The following KIAA1217 variants were observed in gnomAD, a reference collection of about 807,000 sequenced individuals.
KIAA1217 encodes KIAA1217.
Under a neutral mutation model 163.9 loss-of-function variants are expected in KIAA1217, and 88 were observed. That is an observed-to-expected ratio of 0.54 (90% CI 0.45 to 0.64). The LOEUF is 0.64. KIAA1217 is among the 30% of genes least tolerant of loss of function. KIAA1217 has a pLI of 0.00. For synonymous variants in KIAA1217, 903 were observed against 923.1 expected (o/e 0.98, Z 0.39); for missense variants, 2,372 against 2,475.0 (o/e 0.96, Z 0.88).
intron 1 of KIAA1217, among the ~76,000 whole-genome samples, chr10:23,765,465 G>A (rs910759653): frequency 3.3e-5 from 5 of 151,994 alleles, no homozygotes; most frequent in African/African-American, 1.2e-4. Context: ...GAGCCACCAC[G>A]CCCGGTCTTT....
chr10:24,071,683 G>T (rs2061191800), intron 2 of KIAA1217, among the ~76,000 whole-genome samples: 1 of 152,128 alleles, frequency 6.6e-6, no homozygotes, highest in Non-Finnish European at 1.5e-5. Flanking sequence ...GATTATATTT[G>T]CACTGTGTTG....
intron 2 of KIAA1217, among the ~76,000 whole-genome samples, chr10:24,186,068 A>C (rs532619369): frequency 3.9e-5 from 6 of 152,120 alleles, no homozygotes; most frequent in African/African-American, 1.4e-4. Context: ...ACATGTTAGC[A>C]ATATTATTTT....
At position 24,342,466 on chromosome 10, in the gene KIAA1217, C is replaced by T. The variant is rs908846923; in HGVS notation, c.355-38403C>T. Among the ~76,000 whole-genome samples the T allele has an allele frequency of 3.9e-5, 6 of 152,174 alleles. No individual in the cohort carries two copies. In the East Asian group the frequency reaches 7.7e-4, roughly 20 times the overall value. On this transcript the variant is annotated intron_variant, in intron 2 of 20. Coordinates refer to ENST00000376454, the MANE Select transcript of KIAA1217 (RefSeq NM_019590.5). Reference sequence around the variant, plus strand: ...TCTCAATCCTCCTTTCTAAAATTAACCATTGTTATTCATTTTTTGTTAGAT... The same window carrying T: ...TCTCAATCCTCCTTTCTAAAATTAATCATTGTTATTCATTTTTTGTTAGAT...
At chr10:24,171,763 GACA>G (rs1448963142) in intron 2 of KIAA1217, among the ~76,000 whole-genome samples, 2 of 151,408 alleles carry the variant, frequency 1.3e-5, no homozygotes, top group Non-Finnish European at 2.9e-5. Context: ...CTCCAGACTG[GACA>G]ACAAGAGCAA....
In KIAA1217 at chr10:24,494,640, A is replaced by T. The variant is rs767681759; in HGVS notation, c.1784+36A>T. On this transcript the variant is annotated intron_variant, in intron 7 of 20. Coordinates refer to ENST00000376454, the MANE Select transcript of KIAA1217 (RefSeq NM_019590.5). Reference sequence around the variant, plus strand: ...AGAAAGCCAATGAAAAAAATAATTCAATCTGTTTCTCTTTTAATCATTAAG... The same window carrying T: ...AGAAAGCCAATGAAAAAAATAATTCTATCTGTTTCTCTTTTAATCATTAAG... The T allele has an allele frequency of 6.8e-6, 9 of 1,328,190 alleles. No individual in the cohort carries two copies. In the Admixed American group the frequency reaches 1.7e-4, roughly 25 times the overall value. 82.3% of individuals were successfully genotyped at this position (1,328,190 alleles called of 1,614,324 possible).
rs1033988810 is a variant in KIAA1217 at position 23,953,841 on chromosome 10, C to T, written c.-320-53384C>T. ...TATATCAAGTGTTAATGAAGAAACT[C>T]CACGGCTGACCTCTGAATTACTTGG... On this transcript the variant is annotated intron_variant, in intron 1 of 18. Transcript: ENST00000376462. Among the ~76,000 whole-genome samples, 29 of 152,286 alleles carry T rather than the reference C, an allele frequency of 1.9e-4. No homozygotes were observed. The South Asian group carries it at 2.7e-3, about 14-fold the overall frequency.
intron 1 of KIAA1217, among the ~76,000 whole-genome samples, chr10:23,826,064 A>G (rs937976532): frequency 2.0e-5 from 3 of 152,178 alleles, no homozygotes; most frequent in African/African-American, 7.2e-5. Flanking sequence ...CAGCCTCTGC[A>G]TCCAACTTTA....
intron 1 of KIAA1217, among the ~76,000 whole-genome samples, chr10:23,740,696 T>C (rs974924588): frequency 3.9e-5 from 6 of 152,022 alleles, no homozygotes; most frequent in African/African-American, 1.4e-4. Flanking sequence ...TCCACCCAGG[T>C]CTGTCTCAGA....
At chr10:24,353,149 T>C (rs1180197583) in intron 2 of KIAA1217, among the ~76,000 whole-genome samples, 1 of 152,082 alleles carries the variant, frequency 6.6e-6, no homozygotes, top group African/African-American at 2.4e-5. Context: ...GTGGTGCGGT[T>C]TCCTGTTTTG....
intron 1 of KIAA1217, among the ~76,000 whole-genome samples, chr10:23,751,752 A>C (rs570168999): frequency 6.6e-6 from 1 of 152,116 alleles, no homozygotes; most frequent in Non-Finnish European, 1.5e-5. Context: ...GGTTTTCTTT[A>C]CTGTATTTTA....
intron 1 of KIAA1217, among the ~76,000 whole-genome samples, chr10:23,918,614 A>C (rs1842718533): frequency 6.6e-6 from 1 of 152,108 alleles, no homozygotes; most frequent in Non-Finnish European, 1.5e-5. Context: ...TCAGGCTGTT[A>C]CCAGCTCCTG....
chr10:24,228,775 T>G (rs947449804), intron 2 of KIAA1217, among the ~76,000 whole-genome samples: 2 of 152,212 alleles, frequency 1.3e-5, no homozygotes, highest in Admixed American at 6.5e-5. Flanking sequence ...TCTAGTTTGT[T>G]TCATCAGCTC....
At chr10:23,795,690 T>C (rs921303900) in intron 1 of KIAA1217, among the ~76,000 whole-genome samples, 1 of 152,174 alleles carries the variant, frequency 6.6e-6, no homozygotes, top group African/African-American at 2.4e-5. Flanking sequence ...AGGTTTGGCC[T>C]ACAGGCATGA....
intron 2 of KIAA1217, among the ~76,000 whole-genome samples, chr10:24,148,184 C>G (rs1201471193): frequency 2.0e-5 from 3 of 151,998 alleles, no homozygotes; most frequent in African/African-American, 7.2e-5. Context: ...ATTTTGCATT[C>G]TTAACTACTG....
chr10:24,333,176 C>G (rs1408780754), intron 2 of KIAA1217, among the ~76,000 whole-genome samples: 1 of 152,056 alleles, frequency 6.6e-6, no homozygotes, highest in East Asian at 1.9e-4. Context: ...AAACGCCCAC[C>G]ACCACAGCCA....
chr10:24,081,646 C>T (rs1476205341), intron 2 of KIAA1217, among the ~76,000 whole-genome samples: 1 of 151,982 alleles, frequency 6.6e-6, no homozygotes, highest in Non-Finnish European at 1.5e-5. Flanking sequence ...TTCCCTGGGC[C>T]ACATTGGAAA....
intron 1 of KIAA1217, among the ~76,000 whole-genome samples, chr10:23,709,268 A>G (rs966881830): frequency 2.0e-5 from 3 of 152,170 alleles, no homozygotes; most frequent in Non-Finnish European, 4.4e-5. Context: ...TCACACTGGT[A>G]ATCCCAGCAC....
intron 5 of KIAA1217, among the ~76,000 whole-genome samples, chr10:24,450,607 G>A (rs140979411): frequency 0.014 from 2,116 of 152,244 alleles, 30 homozygotes; most frequent in Non-Finnish European, 0.023. Context: ...ATATTTCTGT[G>A]GATATCTTTA....
intron 2 of KIAA1217, among the ~76,000 whole-genome samples, chr10:24,116,421 C>G (rs368142388): frequency 6.6e-6 from 1 of 152,118 alleles, no homozygotes; most frequent in Non-Finnish European, 1.5e-5. Context: ...AAGCGTGCAA[C>G]TCTGCCGTTG....
Sources: allele counts gnomAD v4.1 joint callset (sites outside exome capture counted in the v4.1 genomes callset), GRCh38; gene constraint gnomAD v4.1.1; transcripts MANE v1.5; gene names NCBI Gene and HGNC (gene_info 2026-07-23, HGNC 2026-07-21).